The following MSI2 variants were observed in gnomAD, a reference collection of about 807,000 sequenced individuals.
MSI2 encodes the protein musashi RNA binding protein 2, also known as RNA-binding protein Musashi homolog 2.
MSI2 carries 17 observed loss-of-function variants against 45.6 expected under a neutral mutation model. The ratio of observed to expected loss-of-function variants is 0.37; its 90% CI spans 0.26 to 0.56. The LOEUF (loss-of-function observed/expected upper bound fraction) is 0.56. Among genes scored for constraint, MSI2 ranks in the 20% least tolerant of loss-of-function variants. MSI2 has a pLI of 0.77. For missense variants in MSI2, 293 were observed against 444.2 expected, an observed-to-expected ratio of 0.66 and a Z score of 3.06; for synonymous variants, 156 against 158.2, an observed-to-expected ratio of 0.99 and a Z score of 0.11.
intron 5 of MSI2, among the ~76,000 whole-genome samples, chr17:57,302,298 C>T (rs1369580147): frequency 1.3e-5 from 2 of 152,072 alleles, no homozygotes; most frequent in Non-Finnish European, 2.9e-5. Flanking sequence ...GTTTTTGAGA[C>T]AGGGTCTTGC....
intron 6 of MSI2, among the ~76,000 whole-genome samples, chr17:57,509,582 G>A (rs543843864): frequency 2.0e-5 from 3 of 152,120 alleles, no homozygotes; most frequent in South Asian, 2.1e-4. Context: ...CACCATGCCC[G>A]GCTAATTTTT....
chr17:57,649,809 G>T (rs1464195629), intron 10 of MSI2, among the ~76,000 whole-genome samples: 3 of 152,242 alleles, frequency 2.0e-5, no homozygotes, highest in Non-Finnish European at 4.4e-5. Flanking sequence ...GGATGCTGGT[G>T]CAAGCTCCAT....
At chr17:57,558,368 T>A (rs1189157685) in intron 7 of MSI2, among the ~76,000 whole-genome samples, 4 of 151,812 alleles carry the variant, frequency 2.6e-5, no homozygotes, top group African/African-American at 9.7e-5. Context: ...ACAAAGAGGG[T>A]CGGTTCCCCT....
intron 5 of MSI2, among the ~76,000 whole-genome samples, chr17:57,359,340 A>G (rs1916664897): frequency 6.6e-6 from 1 of 152,216 alleles, no homozygotes; most frequent in Non-Finnish European, 1.5e-5. Flanking sequence ...GAATTCAGCT[A>G]CAAGGGAGAT....
chr17:57,530,226 T>C lies in MSI2; in HGVS notation c.454+502T>C, dbSNP rs955496049. Among the ~76,000 whole-genome samples the C allele has an allele frequency of 2.0e-5, 3 of 152,180 alleles. No individual in the cohort carries two copies. The South Asian group carries it at 6.2e-4, about 32-fold the overall frequency. ...GGGCCTCTGGAATGTGTAGAGGGCA[T>C]CTGTACTTAATTGTGTTTTTCCCTG... On this transcript the variant is annotated intron_variant, in intron 7 of 13. Transcript: ENST00000284073.
At chr17:57,290,085 A>T (rs1463066453) in intron 5 of MSI2, among the ~76,000 whole-genome samples, 1 of 152,142 alleles carries the variant, frequency 6.6e-6, no homozygotes, top group African/African-American at 2.4e-5. Flanking sequence ...GGATGCAGGG[A>T]CCAGACTGCC....
intron 5 of MSI2, among the ~76,000 whole-genome samples, chr17:57,371,932 A>G (rs1026781075): frequency 6.6e-6 from 1 of 151,336 alleles, no homozygotes; most frequent in Non-Finnish European, 1.5e-5. Flanking sequence ...CCTTTACAAT[A>G]TCAAAAAATT....
rs533468066 is a variant in MSI2 at position 57,652,609 on chromosome 17, G to A, written c.790+448G>A. ...CACTGGTAGGTGGGCTTGCTGGTCT[G>A]GCTAAACCCCCAGAGCCCCTGAAAG... On this transcript the variant is annotated intron_variant, in intron 11 of 13. Transcript: ENST00000284073. This position sits in a 1 kb window ranked among gnomAD's most constrained non-coding sequence, Gnocchi z 4.1. Among the ~76,000 whole-genome samples, 2 of 152,306 alleles carry A rather than the reference G, an allele frequency of 1.3e-5. No individual in the cohort carries two copies. The highest frequency in any genetic ancestry group is 1.9e-4 in the East Asian group (1 of 5,182).
intron 6 of MSI2, among the ~76,000 whole-genome samples, chr17:57,430,557 T>C (rs1280184444): frequency 6.6e-6 from 1 of 152,266 alleles, no homozygotes; most frequent in Non-Finnish European, 1.5e-5. Flanking sequence ...TATGCATGCC[T>C]CTAAAGCAAT....
At chr17:57,587,393 T>A (rs16958566) in intron 7 of MSI2, among the ~76,000 whole-genome samples, 24,581 of 152,190 alleles carry the variant, frequency 0.16, 2,281 homozygotes, top group African/African-American at 0.25. Context: ...ACCTTTCCAG[T>A]TGAGAAATTG....
intron 6 of MSI2, among the ~76,000 whole-genome samples, chr17:57,499,468 C>G (rs539566637): frequency 6.0e-5 from 9 of 150,534 alleles, no homozygotes; most frequent in Admixed American, 1.3e-4. Flanking sequence ...AAGACAAAAT[C>G]AAGGGCAGAC....
In MSI2 at chr17:57,411,490, A is replaced by G. The variant is rs76257859; in HGVS notation, c.405+10019A>G. On this transcript the variant is annotated intron_variant, in intron 6 of 13. Coordinates refer to ENST00000284073, the MANE Select transcript of MSI2 (RefSeq NM_138962.4). ...TCTTTTACCTTGTAATTGTCCCAACAGCCCTGTGAGGTAGGATAATTATCC... is the reference window on the plus strand; with the variant it reads ...TCTTTTACCTTGTAATTGTCCCAACGGCCCTGTGAGGTAGGATAATTATCC... Among the ~76,000 whole-genome samples, 633 of 152,312 alleles carry G rather than the reference A, an allele frequency of 4.2e-3. 5 individuals are homozygous for G. Among genetic ancestry groups the G allele is most frequent in the African/African-American group, 0.014 (592 of 41,556 alleles).
In MSI2 at chr17:57,652,183, G is replaced by A. The variant is rs1911203983; in HGVS notation, c.790+22G>A. 3 of 1,612,208 alleles carry A rather than the reference G, an allele frequency of 1.9e-6. No individual in the cohort carries two copies. In the East Asian group the frequency reaches 6.7e-5, roughly 36 times the overall value. On this transcript the variant is annotated intron_variant, in intron 11 of 13. Transcript: ENST00000284073. This position sits in a 1 kb window ranked among gnomAD's most constrained non-coding sequence, Gnocchi z 4.1. ...TCAGGTAGGAAGGTGTATGGGACAG[G>A]CGACTCCCAGGCATGCCCCCAGTGT...
chr17:57,381,560 T>A (rs2083598834), intron 5 of MSI2, among the ~76,000 whole-genome samples: 1 of 152,144 alleles, frequency 6.6e-6, no homozygotes, highest in South Asian at 2.1e-4. Context: ...AGTAGCAGGT[T>A]ACATATTGAG....
chr17:57,534,892 G>C (rs543048699), intron 7 of MSI2, among the ~76,000 whole-genome samples: 1 of 152,286 alleles, frequency 6.6e-6, no homozygotes, highest in East Asian at 1.9e-4. Context: ...GGAAAACACT[G>C]GGCTGATCGT....
chr17:57,548,586 A>C, intron 7 of MSI2, among the ~76,000 whole-genome samples: 1 of 150,726 alleles, frequency 6.6e-6, no homozygotes, highest in Non-Finnish European at 1.5e-5. Flanking sequence ...AGAAACAGGG[A>C]GTAGGGACAG....
chr17:57,312,136 G>A (rs1397670595), intron 5 of MSI2, among the ~76,000 whole-genome samples: 1 of 152,218 alleles, frequency 6.6e-6, no homozygotes, highest in Non-Finnish European at 1.5e-5. Flanking sequence ...GCAGGGAGAG[G>A]CCCTTGGCCT....
chr17:57,614,451 T>C (rs1334733071), intron 8 of MSI2, among the ~76,000 whole-genome samples: 1 of 152,246 alleles, frequency 6.6e-6, no homozygotes, highest in Non-Finnish European at 1.5e-5. Flanking sequence ...TGTGTTACAG[T>C]GATACCTCAG....
chr17:57,598,916 G>A (rs1323113343), intron 8 of MSI2, among the ~76,000 whole-genome samples: 1 of 152,162 alleles, frequency 6.6e-6, no homozygotes, highest in Non-Finnish European at 1.5e-5. Flanking sequence ...ACCTGCCTCG[G>A]CCTCCCAAAG....
Sources: allele counts gnomAD v4.1 joint callset (sites outside exome capture counted in the v4.1 genomes callset), GRCh38; gene constraint gnomAD v4.1.1; non-coding constraint Gnocchi (gnomAD v3.1); transcripts MANE v1.5; gene names NCBI Gene and HGNC (gene_info 2026-07-23, HGNC 2026-07-21).